The following FSTL4 variants were observed in gnomAD, a reference collection of about 807,000 sequenced individuals.
FSTL4 encodes follistatin like 4.
FSTL4 carries 28 observed loss-of-function variants against 78.2 expected under a neutral mutation model. The ratio of observed to expected loss-of-function variants is 0.36; its 90% CI spans 0.27 to 0.49. The LOEUF is 0.49. Among genes scored for constraint, FSTL4 ranks in the 20% least tolerant of loss-of-function variants. FSTL4 has a pLI of 0.98. For missense variants in FSTL4, 922 were observed against 1,084.9 expected (o/e 0.85, Z 2.11); for synonymous variants, 422 against 440.5 (o/e 0.96, Z 0.53).
intron 6 of FSTL4, among the ~76,000 whole-genome samples, chr5:133,296,639 TGAGGCTTTCCC>T (rs1421934684): frequency 5.9e-5 from 9 of 152,180 alleles, no homozygotes; most frequent in Non-Finnish European, 7.4e-5. Context: ...CCCCTCTGGA[TGAGGCTTTCCC>T]TGGGCTATCG....
In FSTL4 at chr5:133,220,853, T is replaced by C; in HGVS notation, c.1353A>G (p.Gly451=). Residue 451 remains glycine (G), a synonymous_variant, in exon 12 of 16, where the codon GGA becomes GGG. Transcript: ENST00000265342. ...CGTCGGAGAAGACATAGAACATGTTTCCCACGCTGAGGCCTGGGAGGAGCA... is the reference window on the plus strand; with the variant it reads ...CGTCGGAGAAGACATAGAACATGTTCCCCACGCTGAGGCCTGGGAGGAGCA... ...ILWREEGLSV[G]NMFYVFSDDG... is the part of the protein sequence containing the mutation. 1 of 1,606,502 alleles carries C rather than the reference T, an allele frequency of 6.2e-7. No individual in the cohort carries two copies.
chr5:133,653,186 A>G, the FSTL4 span, among the ~76,000 whole-genome samples: 2 of 152,290 alleles, frequency 1.3e-5, no homozygotes, highest in Non-Finnish European at 1.5e-5. Context: ...ACAATGATGT[A>G]CCTCTGCCTC....
At chr5:133,505,747 AT>A in intron 3 of FSTL4, among the ~76,000 whole-genome samples, 1 of 152,356 alleles carries the variant, frequency 6.6e-6, no homozygotes. Context: ...CACCTACGTG[AT>A]AAATTAAGGT....
intron 6 of FSTL4, among the ~76,000 whole-genome samples, chr5:133,263,367 G>A (rs564150206): frequency 2.9e-4 from 44 of 152,158 alleles, no homozygotes; most frequent in African/African-American, 1.0e-3. Flanking sequence ...AGTGTGGAGT[G>A]AGGAAAGAGA....
intron 4 of FSTL4, among the ~76,000 whole-genome samples, chr5:133,382,099 G>T (rs1755587916): frequency 6.6e-6 from 1 of 152,154 alleles, no homozygotes; most frequent in Admixed American, 6.5e-5. Context: ...GGCTCAGCAG[G>T]GTCTGCCCAG....
At chr5:133,798,003 G>T in the FSTL4 span, among the ~76,000 whole-genome samples, 1 of 152,082 alleles carries the variant, frequency 6.6e-6, no homozygotes, top group Non-Finnish European at 1.5e-5. Context: ...ACACCATTGT[G>T]CAAGGACAAC....
chr5:133,291,703 G>T (rs1753267134), intron 6 of FSTL4, among the ~76,000 whole-genome samples: 1 of 152,196 alleles, frequency 6.6e-6, no homozygotes, highest in African/African-American at 2.4e-5. Flanking sequence ...AGTGTTCTCT[G>T]CCTAAGCCAA....
intron 3 of FSTL4, among the ~76,000 whole-genome samples, chr5:133,555,816 C>T (rs1334117550): frequency 6.6e-6 from 1 of 152,158 alleles, no homozygotes; most frequent in Non-Finnish European, 1.5e-5. Context: ...GGGGCTCACA[C>T]AAATGATAAA....
chr5:133,623,090 T>A, the FSTL4 span, among the ~76,000 whole-genome samples: 1 of 108,110 alleles, frequency 9.2e-6, no homozygotes, highest in Non-Finnish European at 2.1e-5. Flanking sequence ...GGATGAGGTC[T>A]TTTTTTTTTT....
intron 12 of FSTL4, among the ~76,000 whole-genome samples, chr5:133,218,881 T>G (rs772983360): frequency 3.3e-5 from 5 of 152,228 alleles, no homozygotes; most frequent in Admixed American, 2.0e-4. Context: ...AGATTGTAAG[T>G]AAGTTCCTTG....
the FSTL4 span, among the ~76,000 whole-genome samples, chr5:133,714,258 T>C: frequency 1.3e-5 from 2 of 152,168 alleles, no homozygotes; most frequent in African/African-American, 2.4e-5. Context: ...TCTCTGGCAA[T>C]GTAAAATAAC....
intron 3 of FSTL4, among the ~76,000 whole-genome samples, chr5:133,490,108 A>G (rs1318509664): frequency 1.3e-5 from 2 of 151,044 alleles, no homozygotes; most frequent in African/African-American, 2.4e-5. Flanking sequence ...TATTTTCCTC[A>G]TAAGTCTCCC....
chr5:133,779,597 C>T, the FSTL4 span, among the ~76,000 whole-genome samples: 20 of 151,934 alleles, frequency 1.3e-4, no homozygotes, highest in Non-Finnish European at 1.9e-4. Flanking sequence ...AAAAACAAAA[C>T]AAAAAAAGAA....
At chr5:133,383,302 C>T (rs1183670756) in intron 4 of FSTL4, among the ~76,000 whole-genome samples, 1 of 152,156 alleles carries the variant, frequency 6.6e-6, no homozygotes, top group African/African-American at 2.4e-5. Context: ...TTCGCCTTCT[C>T]CTGCCAAAAT....
the FSTL4 span, among the ~76,000 whole-genome samples, chr5:133,663,167 C>T: frequency 6.6e-6 from 1 of 152,068 alleles, no homozygotes; most frequent in Non-Finnish European, 1.5e-5. Flanking sequence ...GTGATGGTTA[C>T]TTGAATCTAC....
the FSTL4 span, among the ~76,000 whole-genome samples, chr5:133,768,730 A>T: frequency 6.6e-6 from 1 of 152,258 alleles, no homozygotes; most frequent in African/African-American, 2.4e-5. Context: ...GCCACTGGGC[A>T]GCAGAAAGGT....
chr5:133,542,391 C>A (rs1759494927), intron 3 of FSTL4, among the ~76,000 whole-genome samples: 1 of 152,036 alleles, frequency 6.6e-6, no homozygotes, highest in African/African-American at 2.4e-5. Context: ...CTAATTTTTG[C>A]TTAGGACTTT....
chr5:133,533,047 C>T (rs551063907), intron 3 of FSTL4, among the ~76,000 whole-genome samples: 216 of 152,264 alleles, frequency 1.4e-3, no homozygotes, highest in African/African-American at 4.7e-3. Flanking sequence ...AACAGCACTT[C>T]GTGGATTCTA....
chr5:133,698,299 A>G, the FSTL4 span, among the ~76,000 whole-genome samples: 1 of 152,212 alleles, frequency 6.6e-6, no homozygotes, highest in African/African-American at 2.4e-5. Context: ...GAGCATCTGT[A>G]CTGAGGGCTG....
Sources: gnomAD v4.1 joint callset for allele counts (sites outside exome capture counted in the v4.1 genomes callset) on GRCh38, gnomAD v4.1.1 for gene constraint, MANE v1.5 for transcripts, NCBI Gene and HGNC (gene_info 2026-07-23, HGNC 2026-07-21) for gene names.